THSD7B: variants seen among roughly 807,000 people sequenced by gnomAD.
The protein encoded by THSD7B is thrombospondin type 1 domain containing 7B.
THSD7B carries 138 observed loss-of-function variants against 213.6 expected under a neutral mutation model. The ratio of observed to expected loss-of-function variants is 0.65; its 90% CI spans 0.56 to 0.74. The LOEUF (loss-of-function observed/expected upper bound fraction) is 0.74, where lower values mean the gene tolerates loss of function less well. THSD7B is among the 30% of genes least tolerant of loss of function. THSD7B has a pLI of 0.00. For synonymous variants in THSD7B, 742 were observed against 687.0 expected (o/e 1.08, Z -1.25); for missense variants, 1,931 against 1,991.5 (o/e 0.97, Z 0.58).
chr2:137,565,281 A>G (rs1359343235), intron 16 of THSD7B, among the ~76,000 whole-genome samples: 2 of 152,300 alleles, frequency 1.3e-5, no homozygotes, highest in East Asian at 3.9e-4. Flanking sequence ...AGACTTAGCA[A>G]TTTATAAAGA....
At chr2:137,564,074 C>T (rs114343417) in intron 16 of THSD7B, among the ~76,000 whole-genome samples, 2,290 of 152,264 alleles carry the variant, frequency 0.015, 54 homozygotes, top group African/African-American at 0.052. Context: ...AATATTTATA[C>T]ATAATGATTA....
At chr2:137,155,963 C>T (rs1423158304) in intron 5 of THSD7B, 2 of 152,072 alleles carry the variant, frequency 1.3e-5, no homozygotes, top group African/African-American at 2.4e-5. Context: ...ATGAGTTGGC[C>T]ACTTGGGTAG....
chr2:137,174,200 C>T (rs1021674487), intron 7 of THSD7B, among the ~76,000 whole-genome samples: 13 of 152,168 alleles, frequency 8.5e-5, no homozygotes, highest in Admixed American at 6.5e-5. Flanking sequence ...AGATATCCTG[C>T]ATATAGGTGT....
intron 12 of THSD7B, among the ~76,000 whole-genome samples, chr2:137,384,969 C>T (rs998366802): frequency 6.6e-6 from 1 of 152,100 alleles, no homozygotes; most frequent in Admixed American, 6.5e-5. Context: ...ATCTGGAGTT[C>T]TTCAGCCTGA....
chr2:137,657,318 A>T (rs770449031), intron 24 of THSD7B, among the ~76,000 whole-genome samples, 158 bp downstream of exon 24: 94 of 152,224 alleles, frequency 6.2e-4, no homozygotes, highest in Non-Finnish European at 1.2e-3. Flanking sequence ...TGCATCTTAG[A>T]AAGAAAGCAA....
At chr2:137,460,325 T>C (rs1328754223) in intron 15 of THSD7B, among the ~76,000 whole-genome samples, 2 of 152,278 alleles carry the variant, frequency 1.3e-5, no homozygotes, top group Non-Finnish European at 2.9e-5. Flanking sequence ...GAATATAAAC[T>C]TCTTATCTTG....
At chr2:137,103,064 C>G (rs1209089063) in intron 4 of THSD7B, among the ~76,000 whole-genome samples, 2 of 152,128 alleles carry the variant, frequency 1.3e-5, no homozygotes, top group Admixed American at 6.5e-5. Context: ...TCAATAAGAG[C>G]AACCCCAAGA....
chr2:137,128,495 G>T (rs138418005), intron 5 of THSD7B, among the ~76,000 whole-genome samples: 12 of 152,224 alleles, frequency 7.9e-5, no homozygotes, highest in African/African-American at 2.9e-4. Flanking sequence ...TCTAGTCTGG[G>T]CCTGAAATTT....
At chr2:137,122,105 G>A (rs963070192) in intron 5 of THSD7B, among the ~76,000 whole-genome samples, 6 of 152,214 alleles carry the variant, frequency 3.9e-5, no homozygotes, top group African/African-American at 1.2e-4. Context: ...GATTTGCCCA[G>A]TAGTTTTGGG....
chr2:137,073,890 C>T (rs546806763), intron 3 of THSD7B, among the ~76,000 whole-genome samples: 8 of 152,108 alleles, frequency 5.3e-5, no homozygotes, highest in East Asian at 1.9e-4. Context: ...TGTAGTTGAG[C>T]GGTTTTGAGT....
intron 17 of THSD7B, among the ~76,000 whole-genome samples, chr2:137,573,302 G>T (rs1681395529): frequency 6.6e-6 from 1 of 152,066 alleles, no homozygotes; most frequent in Non-Finnish European, 1.5e-5. Context: ...GGAAAATTAG[G>T]ATACTTTGAA....
chr2:136,996,291 G>GTC (rs70975734), intron 2 of THSD7B, among the ~76,000 whole-genome samples: 12 of 151,324 alleles, frequency 7.9e-5, no homozygotes, highest in African/African-American at 2.2e-4. Flanking sequence ...AGTCAGACTG[G>GTC]TCTCTCTCTC....
chr2:137,388,119 T>A (rs1028991784), intron 12 of THSD7B, among the ~76,000 whole-genome samples: 1 of 152,206 alleles, frequency 6.6e-6, no homozygotes, highest in Admixed American at 6.5e-5. Context: ...AGGCAAGAAC[T>A]AAGACAGATG....
chr2:137,654,205 A>G (rs1182681142), intron 21 of THSD7B, among the ~76,000 whole-genome samples: 2 of 152,128 alleles, frequency 1.3e-5, no homozygotes, highest in Non-Finnish European at 2.9e-5. Context: ...TGTGCTGCCT[A>G]TCATGAATAG....
At chr2:136,840,084 G>A (rs564946988) in intron 1 of THSD7B, among the ~76,000 whole-genome samples, 1 of 152,216 alleles carries the variant, frequency 6.6e-6, no homozygotes, top group East Asian at 1.9e-4. Context: ...ATGCAAAAGA[G>A]TATCAAAAAA....
intron 14 of THSD7B, among the ~76,000 whole-genome samples, chr2:137,412,268 G>GA (rs70978217): frequency 0.58 from 85,773 of 148,124 alleles, 27,018 homozygotes; most frequent in East Asian, 0.77. Context: ...ATGTAGTTGA[G>GA]AAAAAAAAAA....
At chr2:136,896,035 T>A (rs900973289) in intron 2 of THSD7B, among the ~76,000 whole-genome samples, 1 of 152,232 alleles carries the variant, frequency 6.6e-6, no homozygotes, top group African/African-American at 2.4e-5. Context: ...CTTTGGCTGC[T>A]ATGGATAATG....
In THSD7B at chr2:136,984,031, T is replaced by A. The variant is rs150601589; in HGVS notation, c.140-72389T>A. On this transcript the variant is annotated intron_variant, in intron 2 of 27. Transcript: ENST00000409968. ...ATAGTAACTCTCAAATGGGGAAATA[T>A]GCCATGAAGGCCTAGAAAGTAAGAT... Among the ~76,000 whole-genome samples, 1,063 of 152,286 alleles carry A rather than the reference T, an allele frequency of 7.0e-3. 13 individuals are homozygous for A. Among genetic ancestry groups the A allele is most frequent in the Non-Finnish European group, 0.011 (760 of 68,024 alleles).
chr2:136,901,778 C>G (rs1684067354), intron 2 of THSD7B, among the ~76,000 whole-genome samples: 1 of 152,222 alleles, frequency 6.6e-6, no homozygotes. Context: ...TTTTTAAAAA[C>G]TTTTCCTTGA....
Sources: allele counts gnomAD v4.1 joint callset (sites outside exome capture counted in the v4.1 genomes callset), GRCh38; gene constraint gnomAD v4.1.1; transcripts MANE v1.5; gene names NCBI Gene and HGNC (gene_info 2026-07-23, HGNC 2026-07-21).